The following BANP variants were observed in gnomAD, a reference collection of about 807,000 sequenced individuals.
BANP encodes BTG3 associated nuclear protein.
A neutral mutation model predicts 68.1 loss-of-function variants in BANP; 11 were observed. The observed-to-expected ratio is 0.16, with a 90% CI of 0.10 to 0.27. The LOEUF (loss-of-function observed/expected upper bound fraction) is 0.27. BANP is among the 10% of genes least tolerant of loss of function. The probability of loss-of-function intolerance (pLI) is 1.00; values close to 1 mark genes in which losing one functional copy is unlikely to be tolerated. For synonymous variants in BANP, 329 were observed against 303.2 expected (o/e 1.09, Z -0.88); for missense variants, 504 against 722.7 (o/e 0.70, Z 3.47).
Position 88,072,113 on chromosome 16 carries a change from C to T in BANP, c.1422C>T (p.Pro474=), listed in dbSNP as rs146466657. The T allele has an allele frequency of 1.9e-5, 30 of 1,605,152 alleles. No homozygotes were observed. Among genetic ancestry groups the T allele is most frequent in the Admixed American group, 1.7e-4 (10 of 58,978 alleles). The change falls in exon 13 of 14, where the codon CCC becomes CCT. Residue 474 remains proline, a synonymous_variant. Coordinates refer to ENST00000682872, the MANE Select transcript of BANP (RefSeq NM_001386991.1). ...TGATCGCCGTGGCCTCCTCGGACCC[C>T]GCGGCGGCGGGCGTGGATGGGTCGC... ...AQLIAVASSD[P]AAAGVDGSPL...
At chr16:88,046,159 C>A (rs2081981781) in intron 11 of BANP, among the ~76,000 whole-genome samples, 2 of 152,266 alleles carry the variant, frequency 1.3e-5, no homozygotes, top group Non-Finnish European at 2.9e-5. Context: ...TGAGTGACGT[C>A]ACTGGACTGC....
intron 5 of BANP, 34 bp from the exon 6 acceptor site, chr16:88,006,053 TACC>T: frequency 6.2e-7 from 1 of 1,612,924 alleles, no homozygotes; most frequent in Non-Finnish European, 8.5e-7. Flanking sequence ...TTGCGGCTCT[TACC>T]ACATCGGGCT....
At chr16:87,984,910 C>T (rs1027948324) in intron 4 of BANP, among the ~76,000 whole-genome samples, 6 of 152,222 alleles carry the variant, frequency 3.9e-5, no homozygotes, top group South Asian at 2.1e-4. Flanking sequence ...GCAGTGGACA[C>T]GGCACGGCTT....
In BANP at chr16:87,994,101, C is replaced by T. The variant is rs200709034; in HGVS notation, c.362+9842C>T. 1.2e-4 allele frequency among the ~76,000 whole-genome samples: 18 copies of T among 149,412 alleles called. No individual in the cohort carries two copies. In the East Asian group the frequency reaches 2.5e-3, roughly 21 times the overall value. On this transcript the variant is annotated intron_variant, in intron 4 of 13. Transcript: ENST00000682872. ...TGGTGTTGGAGACCAGGATGCGGAG[C>T]GCGGCGGTGTGCTGCGGTGCACTGT... is the stretch of plus-strand genomic sequence containing the variant.
chr16:88,019,030 C>T (rs984638171), intron 7 of BANP, among the ~76,000 whole-genome samples: 1 of 75,368 alleles, frequency 1.3e-5, no homozygotes, highest in African/African-American at 3.2e-5. Flanking sequence ...TGACCCAGGC[C>T]CCCCTGAGCC....
chr16:88,057,864 G>T lies in BANP; in HGVS notation c.1312-7403G>T, dbSNP rs1195711324. ...ACAGTGAGGAGGTGCGGGGCACGCA[G>T]CGAGCACTTTCCGGACAGTGCGGTG... On this transcript the variant is annotated intron_variant, in intron 11 of 13. Coordinates refer to ENST00000682872, the MANE Select transcript of BANP (RefSeq NM_001386991.1). The surrounding 1 kb of genome is among the most constrained non-coding windows in gnomAD (Gnocchi z 4.6). Among the ~76,000 whole-genome samples, 2 of 152,066 alleles carry T rather than the reference G, an allele frequency of 1.3e-5. No homozygotes were observed. Among genetic ancestry groups the T allele is most frequent in the Non-Finnish European group, 2.9e-5 (2 of 68,012 alleles).
chr16:88,049,565 G>C (rs898667923), intron 11 of BANP, among the ~76,000 whole-genome samples: 2 of 152,208 alleles, frequency 1.3e-5, no homozygotes, highest in Non-Finnish European at 2.9e-5. Flanking sequence ...CAAGCAGGGG[G>C]ATCATTAGAG....
Position 88,027,665 on chromosome 16 carries a change from G to T in BANP, c.1063+15G>T, listed in dbSNP as rs1052321753. 1 of 1,612,056 alleles carries T rather than the reference G, an allele frequency of 6.2e-7. No homozygotes were observed. Among genetic ancestry groups the T allele is most frequent in the African/African-American group, 1.3e-5 (1 of 74,882 alleles). ...CTGCCCTTCAGGTAGGCCTCGTGCT[G>T]CAGGAGAGGCCGCCCTCCCCCGCTC... On this transcript the variant is annotated intron_variant, in intron 8 of 13. Transcript: ENST00000682872.
chr16:87,956,612 G>C (rs1161869477), intron 1 of BANP: 2 of 152,230 alleles, frequency 1.3e-5, no homozygotes, highest in African/African-American at 2.4e-5. Context: ...AGAAGAATGG[G>C]GCGAGTGATT....
At position 87,975,139 on chromosome 16, in the gene BANP, C is replaced by T. The variant is rs755240545; in HGVS notation, c.24C>T (p.Ala8=). MMSEHDL[A]DVVQIAVEDL... ...GGATGATGTCGGAACACGACCTGGC[C>T]GATGTGGTTCAGATTGCAGTGGAAG... Residue 8 remains alanine, a synonymous_variant, in exon 2 of 14, where the codon GCC becomes GCT. Transcript: ENST00000682872. The T allele has an allele frequency of 1.1e-5, 18 of 1,613,962 alleles. No individual in the cohort carries two copies. Among genetic ancestry groups the T allele is most frequent in the South Asian group, 1.1e-4 (10 of 91,084 alleles).
chr16:88,026,629 A>G (rs1169598833), intron 7 of BANP, among the ~76,000 whole-genome samples: 3 of 152,184 alleles, frequency 2.0e-5, no homozygotes, highest in South Asian at 4.1e-4. Context: ...GTAACAATAC[A>G]TACATGAATT....
chr16:88,031,655 A>G (rs1451008435), intron 8 of BANP, among the ~76,000 whole-genome samples: 12 of 151,992 alleles, frequency 7.9e-5, no homozygotes, highest in Non-Finnish European at 1.5e-5. Context: ...TCTCAAAAAA[A>G]AAAAAAAAGA....
intron 11 of BANP, among the ~76,000 whole-genome samples, chr16:88,051,059 C>G (rs1473544019): frequency 6.6e-6 from 1 of 152,210 alleles, no homozygotes; most frequent in Non-Finnish European, 1.5e-5. Flanking sequence ...CCTGCATAGC[C>G]AGCTGAGCAG....
rs1163701801 is a variant in BANP at position 88,036,167 on chromosome 16, T to C, written c.1272+773T>C. Among the ~76,000 whole-genome samples, 2 of 152,208 alleles carry C rather than the reference T, an allele frequency of 1.3e-5. No homozygotes were observed. The highest frequency in any genetic ancestry group is 2.9e-5 in the Non-Finnish European group (2 of 68,022). The stretch of plus-strand genomic sequence containing the variant: ...GGCACTAAGCAGCACACACGTGTTG[T>C]ACTCAGTGACCGTGGTGCGCTCTGG... On this transcript the variant is annotated intron_variant, in intron 10 of 13. Coordinates refer to ENST00000682872, the MANE Select transcript of BANP (RefSeq NM_001386991.1). The surrounding 1 kb of genome is among the most constrained non-coding windows in gnomAD (Gnocchi z 4.2).
intron 13 of BANP, among the ~76,000 whole-genome samples, chr16:88,076,356 C>T (rs1301733467): frequency 1.3e-5 from 2 of 152,148 alleles, no homozygotes; most frequent in African/African-American, 4.8e-5. Context: ...GGGGGCGGGC[C>T]GGGGCCTGGG....
At chr16:87,998,718 G>C (rs1367636062) in intron 4 of BANP, among the ~76,000 whole-genome samples, 1 of 148,408 alleles carries the variant, frequency 6.7e-6, no homozygotes, top group Non-Finnish European at 1.5e-5. Context: ...GTGTCTCCAT[G>C]CACGCACGTG....
rs948181833 is a variant in BANP, at chr16:88,018,885, C to T, written c.895+218C>T. On this transcript the variant is annotated intron_variant, in intron 7 of 13. Coordinates refer to ENST00000682872, the MANE Select transcript of BANP (RefSeq NM_001386991.1). This position sits in a 1 kb window ranked among gnomAD's most constrained non-coding sequence, Gnocchi z 7.7. ...ACGGCATGCCCGCACCAAAATACCTCATATACCCCATCATATATATACCTA... is the reference window on the plus strand; with the variant it reads ...ACGGCATGCCCGCACCAAAATACCTTATATACCCCATCATATATATACCTA... 2.0e-5 allele frequency among the ~76,000 whole-genome samples: 3 copies of T among 152,220 alleles called. No homozygotes were observed. The highest frequency in any genetic ancestry group is 2.9e-5 in the Non-Finnish European group (2 of 68,044).
chr16:88,074,705 C>T (rs1417786866), intron 13 of BANP, among the ~76,000 whole-genome samples: 2 of 152,074 alleles, frequency 1.3e-5, no homozygotes, highest in East Asian at 3.9e-4. Context: ...CTACCCCAAC[C>T]TCCCATGGCC....
At chr16:88,062,221 G>C (rs544641273) in intron 11 of BANP, among the ~76,000 whole-genome samples, 2 of 152,244 alleles carry the variant, frequency 1.3e-5, no homozygotes, top group South Asian at 4.1e-4. Context: ...TTGGTTTTGC[G>C]TTGCACCTGA....
Sources: gnomAD v4.1 joint callset for allele counts (sites outside exome capture counted in the v4.1 genomes callset) on GRCh38, gnomAD v4.1.1 for gene constraint, Gnocchi (gnomAD v3.1) non-coding constraint, MANE v1.5 for transcripts, NCBI Gene and HGNC (gene_info 2026-07-23, HGNC 2026-07-21) for gene names.